The following SLC16A7 variants were observed in gnomAD, a reference collection of about 807,000 sequenced individuals.
The protein encoded by SLC16A7 is solute carrier family 16 member 7.
A neutral mutation model predicts 34.9 loss-of-function variants in SLC16A7; 33 were observed. The observed-to-expected ratio is 0.94, with a 90% CI of 0.72 to 1.26. The LOEUF (loss-of-function observed/expected upper bound fraction) is 1.26, where lower values mean the gene tolerates loss of function less well. Ranked by LOEUF, SLC16A7 falls within the 50% of genes most tolerant of loss-of-function variation. The pLI is 0.00. For synonymous variants in SLC16A7, 201 were observed against 206.6 expected (o/e 0.97, Z 0.23); for missense variants, 573 against 578.1 (o/e 0.99, Z 0.09).
chr12:59,721,886 G>A (rs1565672934), intron 3 of SLC16A7, among the ~76,000 whole-genome samples: 2 of 151,752 alleles, frequency 1.3e-5, no homozygotes, highest in Non-Finnish European at 2.9e-5. Flanking sequence ...GATGCCATTA[G>A]CCACATCTTT....
chr12:59,762,757 A>G (rs1281479043), intron 3 of SLC16A7, among the ~76,000 whole-genome samples: 1 of 151,826 alleles, frequency 6.6e-6, no homozygotes, highest in African/African-American at 2.4e-5. Flanking sequence ...GCAGTGTACT[A>G]TAATAGTGCC....
At chr12:59,682,629 T>C (rs1487371370) in intron 2 of SLC16A7, among the ~76,000 whole-genome samples, 3 of 152,192 alleles carry the variant, frequency 2.0e-5, no homozygotes, top group Non-Finnish European at 4.4e-5. Flanking sequence ...TTATTTTAAA[T>C]GGTGCCACCT....
At chr12:59,778,739 A>G (rs544645478) in intron 5 of SLC16A7, among the ~76,000 whole-genome samples, 21 of 152,232 alleles carry the variant, frequency 1.4e-4, no homozygotes, top group African/African-American at 5.1e-4. Flanking sequence ...ATTAGCTCAA[A>G]TAGTGACATG....
intron 1 of SLC16A7, among the ~76,000 whole-genome samples, chr12:59,620,951 A>T (rs1204486941): frequency 6.6e-6 from 1 of 151,942 alleles, no homozygotes; most frequent in Non-Finnish European, 1.5e-5. Context: ...TTGGCCCATC[A>T]ATTGTATTTT....
At chr12:59,685,095 G>T (rs1795905) in intron 2 of SLC16A7, among the ~76,000 whole-genome samples, 4,559 of 152,188 alleles carry the variant, frequency 0.03, 181 homozygotes, top group African/African-American at 0.091. Context: ...CTGTGTTTAG[G>T]ATGATGGTTC....
At chr12:59,641,766 A>G (rs1007105455) in intron 1 of SLC16A7, among the ~76,000 whole-genome samples, 3 of 152,032 alleles carry the variant, frequency 2.0e-5, no homozygotes, top group African/African-American at 7.2e-5. Context: ...GCTCTTCTAC[A>G]ATCCAGGGCT....
At chr12:59,678,133 G>A (rs1311771966) in intron 2 of SLC16A7, among the ~76,000 whole-genome samples, 1 of 152,212 alleles carries the variant, frequency 6.6e-6, no homozygotes, top group Non-Finnish European at 1.5e-5. Flanking sequence ...CCTGGCTCAG[G>A]GAACTCCTAG....
chr12:59,757,791 T>A (rs1316906079), intron 3 of SLC16A7, among the ~76,000 whole-genome samples: 1 of 152,080 alleles, frequency 6.6e-6, no homozygotes, highest in East Asian at 1.9e-4. Flanking sequence ...TTAAGACCTT[T>A]TTGATAGCCC....
chr12:59,774,700 T>TG lies in SLC16A7; in HGVS notation c.407dup (p.Lys137GlnfsTer5), dbSNP rs769135974. On this transcript the variant is annotated frameshift_variant, in exon 5 of 6. Coordinates refer to ENST00000547379, the MANE Select transcript of SLC16A7 (RefSeq NM_001270623.2). LOFTEE classifies it high-confidence loss of function. Reference sequence around the variant, plus strand: ...ACCTGCAACCCGCCTTAACCATAATTGGCAAATACTTCTATAGGAAGCGAC... The same window carrying TG: ...ACCTGCAACCCGCCTTAACCATAATTGGGCAAATACTTCTATAGGAAGCGAC... 1 of 1,604,562 alleles carries TG rather than the reference T, an allele frequency of 6.2e-7. No individual in the cohort carries two copies. Among genetic ancestry groups the TG allele is most frequent in the Non-Finnish European group, 8.5e-7 (1 of 1,177,298 alleles).
intron 2 of SLC16A7, among the ~76,000 whole-genome samples, chr12:59,681,784 G>A (rs1037109628): frequency 6.6e-6 from 1 of 152,048 alleles, no homozygotes; most frequent in African/African-American, 2.4e-5. Flanking sequence ...TTCTTTGAGA[G>A]GGTCAGCTGT....
At position 59,596,152 on chromosome 12, in the gene SLC16A7, C is replaced by A. The variant is rs1878381126; in HGVS notation, c.-214C>A. On this transcript the variant is annotated 5_prime_UTR_variant, in exon 1 of 6. Coordinates refer to ENST00000547379, the MANE Select transcript of SLC16A7 (RefSeq NM_001270623.2). This position sits in a 1 kb window ranked among gnomAD's most constrained non-coding sequence, Gnocchi z 5.0. ...CCATAAATAAATAAATAATTCCATT[C>A]ACCCGTTGACAGCGAGGCGAATCGG... 6.6e-6 allele frequency: 1 copy of A among 152,298 alleles called. No homozygotes were observed. Among genetic ancestry groups the A allele is most frequent in the African/African-American group, 2.4e-5 (1 of 41,446 alleles). 9.4% of individuals were successfully genotyped at this position (152,298 alleles called of 1,614,324 possible). A position where few individuals can be genotyped will look rare whatever the true frequency, so the allele number is the denominator to read the frequency against.
chr12:59,604,610 T>C (rs902078657), intron 1 of SLC16A7, among the ~76,000 whole-genome samples: 2 of 152,228 alleles, frequency 1.3e-5, no homozygotes, highest in African/African-American at 4.8e-5. Flanking sequence ...ATACCTTACA[T>C]GTTTTAACTA....
At chr12:59,637,450 T>G (rs1188177618) in intron 1 of SLC16A7, among the ~76,000 whole-genome samples, 1 of 146,584 alleles carries the variant, frequency 6.8e-6, no homozygotes, top group Non-Finnish European at 1.5e-5. Context: ...TCTCTTTCTG[T>G]TTTTTTTTTT....
chr12:59,605,198 A>G (rs1204334980), intron 1 of SLC16A7, among the ~76,000 whole-genome samples: 1 of 152,212 alleles, frequency 6.6e-6, no homozygotes, highest in African/African-American at 2.4e-5. Context: ...GTCTGTTACA[A>G]CATAAAGTCA....
chr12:59,788,956 A>G lies in SLC16A7; in HGVS notation c.*9277A>G, dbSNP rs1481399971. On this transcript the variant is annotated 3_prime_UTR_variant, in exon 6 of 6. Transcript: ENST00000547379. ...TGCCTTTCAGGTATACTACAGCGTT[A>G]TATGAACATAATGTTTTAAAAAAAT... The G allele has an allele frequency of 1.3e-5, 2 of 152,104 alleles. No homozygotes were observed. Among genetic ancestry groups the G allele is most frequent in the Admixed American group, 1.3e-4 (2 of 15,262 alleles). The allele number at this position is 152,104 out of a possible 1,614,324, so 9.4% of individuals were successfully genotyped here. A position where few individuals can be genotyped will look rare whatever the true frequency, so the allele number is the denominator to read the frequency against.
intron 2 of SLC16A7, among the ~76,000 whole-genome samples, chr12:59,674,703 A>G (rs1306948924): frequency 1.3e-5 from 2 of 152,202 alleles, no homozygotes; most frequent in African/African-American, 2.4e-5. Flanking sequence ...CATGGCAGAA[A>G]TAAGGCAGGA....
At chr12:59,768,551 G>A (rs1881909419) in intron 3 of SLC16A7, among the ~76,000 whole-genome samples, 1 of 152,158 alleles carries the variant, frequency 6.6e-6, no homozygotes, top group African/African-American at 2.4e-5. Flanking sequence ...AAACTTAGTT[G>A]ATAAAGCAGT....
intron 1 of SLC16A7, among the ~76,000 whole-genome samples, chr12:59,631,584 C>T (rs1382297400): frequency 6.6e-6 from 1 of 151,968 alleles, no homozygotes; most frequent in Non-Finnish European, 1.5e-5. Flanking sequence ...GCAGGATGTG[C>T]AAATTTGTTA....
At chr12:59,713,397 T>C (rs1874487401) in intron 3 of SLC16A7, among the ~76,000 whole-genome samples, 1 of 152,222 alleles carries the variant, frequency 6.6e-6, no homozygotes, top group South Asian at 2.1e-4. Context: ...TTGAAGAATT[T>C]ACCGCAGTTC....
Sources: gnomAD v4.1 joint callset for allele counts (sites outside exome capture counted in the v4.1 genomes callset) on GRCh38, gnomAD v4.1.1 for gene constraint, Gnocchi (gnomAD v3.1) non-coding constraint, MANE v1.5 for transcripts, NCBI Gene and HGNC (gene_info 2026-07-23, HGNC 2026-07-21) for gene names.